CSF1R: variants seen among roughly 807,000 people sequenced by gnomAD.
CSF1R encodes the protein colony stimulating factor 1 receptor.
In CSF1R, 40 loss-of-function variants were observed where a neutral mutation model predicts 110.0. The ratio of observed to expected loss-of-function variants is 0.36; its 90% CI spans 0.28 to 0.47. CSF1R has a LOEUF of 0.47. Ranked by LOEUF, CSF1R falls within the 20% of genes least tolerant of loss-of-function variation. The pLI, the probability that CSF1R is intolerant of heterozygous loss-of-function variation, is 0.99. For missense variants in CSF1R, 1,052 were observed against 1,253.0 expected, an observed-to-expected ratio of 0.84 and a Z score of 2.42; for synonymous variants, 523 against 503.4, an observed-to-expected ratio of 1.04 and a Z score of -0.52.
At chr5:150,107,714 C>A (rs906011402) in intron 1 of CSF1R, among the ~76,000 whole-genome samples, 1 of 152,218 alleles carries the variant, frequency 6.6e-6, no homozygotes, top group Non-Finnish European at 1.5e-5. Context: ...GGCTTTGGAG[C>A]CAGATAGACC....
intron 1 of CSF1R, among the ~76,000 whole-genome samples, chr5:150,101,278 G>A (rs770169898): frequency 4.0e-4 from 61 of 152,202 alleles, no homozygotes; most frequent in Admixed American, 3.3e-3. Context: ...CATGGCTAAG[G>A]TATCCTAGCC....
At chr5:150,058,842 C>T (rs77572056) in intron 14 of CSF1R, among the ~76,000 whole-genome samples, 2,638 of 152,162 alleles carry the variant, frequency 0.017, 80 homozygotes, top group African/African-American at 0.06. Context: ...AGACAGAGAC[C>T]TCCAGGACAG....
At chr5:150,072,487 T>TA (rs896204595) in intron 6 of CSF1R, among the ~76,000 whole-genome samples, 63 of 151,732 alleles carry the variant, frequency 4.2e-4, no homozygotes, top group Admixed American at 9.2e-4. Context: ...AAACTCCATC[T>TA]AAAAAAAATA....
rs1757417899 is a variant in CSF1R at position 150,059,751 on chromosome 5, T to G, written c.2081A>C (p.Glu694Ala). Residue 694 changes from glutamate to alanine, a missense_variant, in exon 14 of 21, where the codon GAG (glutamate) becomes GCG (alanine). Coordinates refer to ENST00000675795, the MANE Select transcript of CSF1R (RefSeq NM_001288705.3). ...GATGTTCTTATAGTCGACGCCTCCC[T>G]CGGGGTCCTGGCCGGGGCTCAGGCT... ...GPSLSPGQDP[E>A]GGVDYKNIHL... 11 of 1,614,158 alleles carry G rather than the reference T, an allele frequency of 6.8e-6. No individual in the cohort carries two copies. The highest frequency in any genetic ancestry group is 9.3e-6 in the Non-Finnish European group (11 of 1,180,032).
At chr5:150,095,112 G>GA (rs35743502) in intron 1 of CSF1R, 88,885 of 323,618 alleles carry the variant, frequency 0.27, 9,413 homozygotes, top group African/African-American at 0.4. Flanking sequence ...TCTCAAATTG[G>GA]AAAAAAAAAA....
intron 1 of CSF1R, among the ~76,000 whole-genome samples, chr5:150,105,285 T>C (rs1759512624): frequency 7.2e-6 from 1 of 139,060 alleles, no homozygotes. Context: ...GAGGCGGAGG[T>C]TGCAGTGAGC....
In CSF1R at chr5:150,078,258, G is replaced by T. The variant is rs2113827094; in HGVS notation, c.593-10C>A. ...GGGGGCCCTGGGATGACTGAGACCG[G>T]GGGAGAGACCCCTGAACACCCAGGC... is the stretch of plus-strand genomic sequence containing the variant. On this transcript the variant is annotated splice_polypyrimidine_tract_variant and intron_variant, in intron 3 of 20. Coordinates refer to ENST00000675795, the MANE Select transcript of CSF1R (RefSeq NM_001288705.3). 1 of 1,613,908 alleles carries T rather than the reference G, an allele frequency of 6.2e-7. No individual in the cohort carries two copies. The highest frequency in any genetic ancestry group is 8.5e-7 in the Non-Finnish European group (1 of 1,179,934).
chr5:150,082,127 G>A (rs1758577251), intron 1 of CSF1R, among the ~76,000 whole-genome samples: 1 of 152,212 alleles, frequency 6.6e-6, no homozygotes, highest in Non-Finnish European at 1.5e-5. Flanking sequence ...AGTGCCACTT[G>A]CGGGGCAGCT....
chr5:150,090,306 C>T (rs753452392), upstream of CSF1R, among the ~76,000 whole-genome samples: 7 of 152,094 alleles, frequency 4.6e-5, no homozygotes, highest in Non-Finnish European at 7.4e-5. Context: ...AGTGTTTCCT[C>T]AGCAAAAATC....
intron 1 of CSF1R, among the ~76,000 whole-genome samples, chr5:150,093,331 G>A (rs889332481): frequency 2.0e-5 from 3 of 152,026 alleles, no homozygotes; most frequent in Non-Finnish European, 4.4e-5. Flanking sequence ...TGCCTGCTTC[G>A]GCCTCCCAAA....
chr5:150,055,555 C>G (rs559980540), intron 18 of CSF1R, among the ~76,000 whole-genome samples: 5 of 152,220 alleles, frequency 3.3e-5, no homozygotes, highest in Non-Finnish European at 7.3e-5. Context: ...ACCAAACATT[C>G]TTGCACAGGC....
At chr5:150,077,142 C>G in intron 5 of CSF1R, 134 bp downstream of exon 5, 1 of 1,173,714 alleles carries the variant, frequency 8.5e-7, no homozygotes, top group African/African-American at 1.5e-5. Context: ...CTTAGCCAGG[C>G]CTTGGATAAA....
intron 5 of CSF1R, among the ~76,000 whole-genome samples, chr5:150,074,666 T>TC (rs1758183212): frequency 6.6e-6 from 1 of 152,128 alleles, no homozygotes; most frequent in South Asian, 2.1e-4. Context: ...TTCTAAGAGC[T>TC]CCTCTCCTTA....
Position 150,070,095 on chromosome 5 carries a change from A to G in CSF1R, c.1320-32T>C, listed in dbSNP as rs758982641. The stretch of plus-strand genomic sequence containing the variant: ...AAAGCAGAATGTGGCTCAGAGCTTC[A>G]GGGTTCCCAGCGCCAGCATGTCCCT... On this transcript the variant is annotated intron_variant, in intron 8 of 20. Coordinates refer to ENST00000675795, the MANE Select transcript of CSF1R (RefSeq NM_001288705.3). 9.6e-5 allele frequency: 155 copies of G among 1,609,970 alleles called. 1 individual carries two copies. Among genetic ancestry groups the G allele is most frequent in the Non-Finnish European group, 1.2e-4 (145 of 1,177,276 alleles).
Position 150,077,209 on chromosome 5 carries a change from T to A in CSF1R, c.889+67A>T, listed in dbSNP as rs60844779. On this transcript the variant is annotated intron_variant, in intron 5 of 20. Coordinates refer to ENST00000675795, the MANE Select transcript of CSF1R (RefSeq NM_001288705.3). Reference sequence around the variant, plus strand: ...TCCTTCCCTGACATCAGCTTCCTCCTCAAAACCCTTCTGCTCACACTCCTG... The same window carrying A: ...TCCTTCCCTGACATCAGCTTCCTCCACAAAACCCTTCTGCTCACACTCCTG... 780,777 of 1,599,006 alleles carry A rather than the reference T, an allele frequency of 0.49. 200,024 individuals are homozygous for A. Among genetic ancestry groups the A allele is most frequent in the Non-Finnish European group, 0.52 (610,415 of 1,167,100 alleles).
chr5:150,108,277 G>T (rs1223131018), intron 1 of CSF1R, among the ~76,000 whole-genome samples: 3 of 152,180 alleles, frequency 2.0e-5, no homozygotes, highest in African/African-American at 7.2e-5. Context: ...AGTAGCTTTT[G>T]CTGGGCTGGA....
chr5:150,089,842 T>C (rs1184034928), upstream of CSF1R, among the ~76,000 whole-genome samples: 1 of 152,188 alleles, frequency 6.6e-6, no homozygotes. Flanking sequence ...TATGGATCAA[T>C]AGAATAAAAT....
intron 5 of CSF1R, among the ~76,000 whole-genome samples, chr5:150,076,321 CCTATCTATCTATCTAT>C (rs59302630): frequency 0.029 from 4,366 of 148,096 alleles, 66 homozygotes; most frequent in East Asian, 0.048. Flanking sequence ...CTAAGTACTT[CCTATCTATCTATCTAT>C]CTATCTATCT....
rs754511062 is a variant in CSF1R at position 150,070,436 on chromosome 5, C to T, written c.1198+20G>A. 7.7e-6 allele frequency: 12 copies of T among 1,549,070 alleles called. No homozygotes were observed. In the Admixed American group the frequency reaches 1.2e-4, roughly 16 times the overall value. ...GTCCCAGGGCCTCCGCCCCAGGTGG[C>T]GCTCGGCCCCAGCACTCACATCGAA... is the stretch of plus-strand genomic sequence containing the variant. On this transcript the variant is annotated intron_variant, in intron 7 of 20. Transcript: ENST00000675795.
Sources: allele counts gnomAD v4.1 joint callset (sites outside exome capture counted in the v4.1 genomes callset), GRCh38; gene constraint gnomAD v4.1.1; transcripts MANE v1.5; gene names NCBI Gene and HGNC (gene_info 2026-07-23, HGNC 2026-07-21).